Variants in KATNAL1 observed in about 807,000 individuals in gnomAD.
The protein encoded by KATNAL1 is katanin p60 ATPase-containing subunit A-like 1.
KATNAL1 carries 32 observed loss-of-function variants against 55.2 expected under a neutral mutation model. The ratio of observed to expected loss-of-function variants is 0.58; its 90% CI spans 0.44 to 0.78. KATNAL1 has a LOEUF of 0.78. Ranked by LOEUF, KATNAL1 falls within the 30% of genes least tolerant of loss-of-function variation. The probability of loss-of-function intolerance (pLI) is 0.00; values close to 1 mark genes in which losing one functional copy is unlikely to be tolerated. For synonymous variants in KATNAL1, 193 were observed against 193.6 expected (o/e 1.00, Z 0.02); for missense variants, 466 against 600.9 (o/e 0.78, Z 2.35).
intron 6 of KATNAL1, among the ~76,000 whole-genome samples, chr13:30,237,577 A>G (rs1022950912): frequency 6.6e-6 from 1 of 152,148 alleles, no homozygotes; most frequent in Admixed American, 6.5e-5. Context: ...GAAGGACCTC[A>G]ATATTATTCT....
intron 8 of KATNAL1, among the ~76,000 whole-genome samples, chr13:30,230,246 C>T (rs1490324236): frequency 1.3e-5 from 2 of 152,170 alleles, no homozygotes; most frequent in African/African-American, 2.4e-5. Context: ...TCCTTGAAGG[C>T]CATAGTAGCC....
At chr13:30,280,860 A>G (rs1853498193) in intron 2 of KATNAL1, among the ~76,000 whole-genome samples, 1 of 152,160 alleles carries the variant, frequency 6.6e-6, no homozygotes, top group Non-Finnish European at 1.5e-5. Context: ...ACATACTATG[A>G]GGAAATTCTT....
At chr13:30,287,216 T>C (rs1316331115) in intron 1 of KATNAL1, among the ~76,000 whole-genome samples, 1 of 152,170 alleles carries the variant, frequency 6.6e-6, no homozygotes, top group Non-Finnish European at 1.5e-5. Flanking sequence ...GATGATATGG[T>C]TTGGCTCTGT....
chr13:30,276,560 T>C (rs191689577), intron 3 of KATNAL1, among the ~76,000 whole-genome samples: 2 of 151,890 alleles, frequency 1.3e-5, no homozygotes, highest in East Asian at 1.9e-4. Flanking sequence ...GAAGTAAATA[T>C]TATATTTTCC....
At chr13:30,264,256 C>T (rs745649298) in intron 3 of KATNAL1, among the ~76,000 whole-genome samples, 3,288 of 147,198 alleles carry the variant, frequency 0.022, 66 homozygotes, top group Non-Finnish European at 0.035. Flanking sequence ...AATGTTAGAC[C>T]TAAAACCATA....
At chr13:30,261,443 C>A (rs1157625135) in intron 3 of KATNAL1, among the ~76,000 whole-genome samples, 1 of 152,150 alleles carries the variant, frequency 6.6e-6, no homozygotes, top group East Asian at 1.9e-4. Flanking sequence ...AGAGTCAAGA[C>A]CCATCAGTGT....
In KATNAL1 at chr13:30,255,622, A is replaced by C. The variant is rs1444093933; in HGVS notation, c.324-7T>G. On this transcript the variant is annotated splice_region_variant and splice_polypyrimidine_tract_variant and intron_variant, in intron 3 of 10. Transcript: ENST00000380615. ...CCTGATCTGAGGTGGAGCTCTGACA[A>C]AAAAAAAAAAAAAAAAATTAAAATT... The C allele has an allele frequency of 3.5e-5, 6 of 171,414 alleles. No homozygotes were observed. The highest frequency in any genetic ancestry group is 5.5e-5 in the Non-Finnish European group (6 of 108,216). 10.6% of individuals were successfully genotyped at this position (171,414 alleles called of 1,614,324 possible).
intron 6 of KATNAL1, among the ~76,000 whole-genome samples, chr13:30,236,896 A>G (rs572266594): frequency 6.6e-6 from 1 of 152,328 alleles, no homozygotes; most frequent in African/African-American, 2.4e-5. Flanking sequence ...ACTCTGCCTT[A>G]GAGCCTTTCT....
chr13:30,219,609 G>C (rs1874644983), intron 9 of KATNAL1, among the ~76,000 whole-genome samples: 1 of 152,094 alleles, frequency 6.6e-6, no homozygotes, highest in Non-Finnish European at 1.5e-5. Context: ...ATATAGCAAA[G>C]AGCTAAATGA....
In KATNAL1 at chr13:30,211,466, T is replaced by C. The variant is rs572036283; in HGVS notation, c.1148-1024A>G. Among the ~76,000 whole-genome samples the C allele has an allele frequency of 5.3e-4, 80 of 152,366 alleles. 1 individual carries two copies. Among genetic ancestry groups the C allele is most frequent in the South Asian group, 1.7e-3 (8 of 4,832 alleles). ...TTAATACTGGAATATTAGTGTCTAA[T>C]ACACAATTCAAAGCAAAGTTTCCCT... is the stretch of plus-strand genomic sequence containing the variant. On this transcript the variant is annotated intron_variant, in intron 9 of 10. Coordinates refer to ENST00000380615, the MANE Select transcript of KATNAL1 (RefSeq NM_032116.5).
intron 3 of KATNAL1, among the ~76,000 whole-genome samples, chr13:30,274,727 A>G (rs1402663276): frequency 6.6e-6 from 1 of 152,226 alleles, no homozygotes; most frequent in Non-Finnish European, 1.5e-5. Context: ...CTGAGCATAC[A>G]GCCAAAGAAA....
At chr13:30,246,346 G>A (rs1045986700) in intron 4 of KATNAL1, among the ~76,000 whole-genome samples, 7 of 152,192 alleles carry the variant, frequency 4.6e-5, no homozygotes, top group Admixed American at 3.9e-4. Context: ...GCCATATGCA[G>A]AAAACTGAAA....
intron 3 of KATNAL1, among the ~76,000 whole-genome samples, chr13:30,259,325 G>A (rs1181095347): frequency 6.6e-6 from 1 of 151,088 alleles, no homozygotes; most frequent in East Asian, 2.0e-4. Flanking sequence ...GGGCCACACA[G>A]CAAGGCTCCA....
intron 6 of KATNAL1, among the ~76,000 whole-genome samples, chr13:30,235,873 C>T (rs1876613239): frequency 1.3e-5 from 2 of 151,852 alleles, no homozygotes; most frequent in Admixed American, 6.6e-5. Flanking sequence ...ATTGAATAGC[C>T]TATTATTGAT....
In KATNAL1 at chr13:30,279,947, CAG is replaced by C. The variant is rs888508756; in HGVS notation, c.323+114_323+115del. 21 of 827,930 alleles carry C rather than the reference CAG, an allele frequency of 2.5e-5. No homozygotes were observed. The African/African-American group carries it at 3.3e-4, about 13-fold the overall frequency. 51.3% of individuals were successfully genotyped at this position (827,930 alleles called of 1,614,324 possible). ...AATGTATAAATGTGAATATTAAAAA[CAG>C]ATACTGAAATTACATGTCCCCAAAA... On this transcript the variant is annotated intron_variant, in intron 3 of 10. Coordinates refer to ENST00000380615, the MANE Select transcript of KATNAL1 (RefSeq NM_032116.5).
At chr13:30,248,542 A>T (rs1361923800) in intron 4 of KATNAL1, among the ~76,000 whole-genome samples, 1 of 152,270 alleles carries the variant, frequency 6.6e-6, no homozygotes, top group Non-Finnish European at 1.5e-5. Context: ...ACATATGAAA[A>T]GGTTTTCAAC....
At chr13:30,270,116 G>A (rs1216457617) in intron 3 of KATNAL1, among the ~76,000 whole-genome samples, 3 of 136,558 alleles carry the variant, frequency 2.2e-5, no homozygotes, top group Non-Finnish European at 5.0e-5. Context: ...CCGTCCGGGA[G>A]GTGAGGGGCG....
chr13:30,239,487 T>C (rs1008215845), intron 6 of KATNAL1, among the ~76,000 whole-genome samples: 2 of 152,098 alleles, frequency 1.3e-5, no homozygotes, highest in East Asian at 1.9e-4. Flanking sequence ...AATTCAGACA[T>C]AACCTTTTAA....
At chr13:30,258,039 CTT>C (rs1045455667) in intron 3 of KATNAL1, among the ~76,000 whole-genome samples, 2 of 152,294 alleles carry the variant, frequency 1.3e-5, no homozygotes, top group East Asian at 3.9e-4. Flanking sequence ...CTCAAGGCTT[CTT>C]TTACTAGTCT....
Sources: allele counts gnomAD v4.1 joint callset (sites outside exome capture counted in the v4.1 genomes callset), GRCh38; gene constraint gnomAD v4.1.1; transcripts MANE v1.5; gene names NCBI Gene and HGNC (gene_info 2026-07-23, HGNC 2026-07-21).